The following MYO10 variants were observed in gnomAD, a reference collection of about 807,000 sequenced individuals.
The protein encoded by MYO10 is unconventional myosin-X.
In MYO10, 133 loss-of-function variants were observed where a neutral mutation model predicts 257.3. That is an observed-to-expected ratio of 0.52 (90% CI 0.45 to 0.60). The LOEUF is 0.60. MYO10 is among the 20% of genes least tolerant of loss of function. The pLI is 0.00. For synonymous variants in MYO10, 1,104 were observed against 1,028.6 expected (o/e 1.07, Z -1.40); for missense variants, 2,399 against 2,635.7 (o/e 0.91, Z 1.97).
At chr5:16,708,654 T>C (rs1738455643) in intron 21 of MYO10, among the ~76,000 whole-genome samples, 1 of 152,176 alleles carries the variant, frequency 6.6e-6, no homozygotes, top group Non-Finnish European at 1.5e-5. Flanking sequence ...CTTGACCTCC[T>C]GGGTTCGAGC....
chr5:16,758,513 C>T lies in MYO10; in HGVS notation c.1740-287G>A, dbSNP rs981136620. Among the ~76,000 whole-genome samples the T allele has an allele frequency of 1.3e-5, 2 of 152,166 alleles. 1 individual carries two copies. Among genetic ancestry groups the T allele is most frequent in the South Asian group, 4.1e-4 (2 of 4,830 alleles). On this transcript the variant is annotated intron_variant, in intron 17 of 40. Coordinates refer to ENST00000513610, the MANE Select transcript of MYO10 (RefSeq NM_012334.3). ...TAGGAGCTCTGTGCTTTCTGGAATG[C>T]CATCTAAGCCTCTGTAGCCTCGGTC...
chr5:16,909,246 C>T (rs542315911), intron 1 of MYO10, among the ~76,000 whole-genome samples: 2 of 152,210 alleles, frequency 1.3e-5, no homozygotes, highest in African/African-American at 2.4e-5. Context: ...CGGTGGCTCA[C>T]GCCCGTAATC....
chr5:16,909,900 C>T (rs1745615926), intron 1 of MYO10, among the ~76,000 whole-genome samples: 1 of 152,124 alleles, frequency 6.6e-6, no homozygotes, highest in Non-Finnish European at 1.5e-5. Flanking sequence ...TCTCCCCTCT[C>T]TATTGCTTCC....
At chr5:16,708,899 T>C (rs1738468162) in intron 21 of MYO10, among the ~76,000 whole-genome samples, 1 of 152,202 alleles carries the variant, frequency 6.6e-6, no homozygotes, top group African/African-American at 2.4e-5. Context: ...TCAGAGCAGA[T>C]TGTATTGCAC....
At chr5:16,905,600 G>A (rs566171501) in intron 1 of MYO10, among the ~76,000 whole-genome samples, 7 of 152,258 alleles carry the variant, frequency 4.6e-5, no homozygotes, top group African/African-American at 1.4e-4. Context: ...GATGAGTGCT[G>A]CAAAACAAGA....
At chr5:16,890,508 AT>A (rs765375035) in intron 1 of MYO10, among the ~76,000 whole-genome samples, 17 of 151,316 alleles carry the variant, frequency 1.1e-4, no homozygotes, top group South Asian at 4.2e-4. Context: ...TAGTGAATGG[AT>A]TTTTTTTTAA....
At chr5:16,713,514 A>T in intron 19 of MYO10, 3 of 983,846 alleles carry the variant, frequency 3.0e-6, no homozygotes, top group Non-Finnish European at 3.6e-6. Flanking sequence ...TCTCGGGCTA[A>T]TTAGTGTGGT....
At chr5:16,802,320 T>C (rs1290271616) in intron 3 of MYO10, among the ~76,000 whole-genome samples, 1 of 152,140 alleles carries the variant, frequency 6.6e-6, no homozygotes. Context: ...ATACATTTTG[T>C]TCATGCATTT....
intron 2 of MYO10, among the ~76,000 whole-genome samples, chr5:16,865,250 G>A (rs1744211880): frequency 6.6e-6 from 1 of 152,086 alleles, no homozygotes; most frequent in Non-Finnish European, 1.5e-5. Flanking sequence ...CTTTTAGGGT[G>A]GCTGTGCAAC....
At chr5:16,835,389 C>T (rs1580054979) in intron 2 of MYO10, among the ~76,000 whole-genome samples, 1 of 151,334 alleles carries the variant, frequency 6.6e-6, no homozygotes, top group Non-Finnish European at 1.5e-5. Context: ...CAAAATTAGC[C>T]GGGCGTTGTG....
intron 1 of MYO10, among the ~76,000 whole-genome samples, chr5:16,909,940 C>G (rs1561054199): frequency 6.6e-6 from 1 of 152,092 alleles, no homozygotes; most frequent in Non-Finnish European, 1.5e-5. Context: ...CATACGGAGA[C>G]TCCTCTTTGG....
At chr5:16,697,294 G>A (rs571197520) in intron 26 of MYO10, among the ~76,000 whole-genome samples, 1 of 151,930 alleles carries the variant, frequency 6.6e-6, no homozygotes, top group Non-Finnish European at 1.5e-5. Context: ...AAAGCCACAA[G>A]TGAAGAAAAC....
At position 16,783,325 on chromosome 5, in the gene MYO10, C is replaced by CGATA; in HGVS notation, c.602+9_602+10insTATC. 1 of 1,408,786 alleles carries CGATA rather than the reference C, an allele frequency of 7.1e-7. No individual in the cohort carries two copies. The highest frequency in any genetic ancestry group is 9.7e-7 in the Non-Finnish European group (1 of 1,035,514). 87.3% of individuals were successfully genotyped at this position (1,408,786 alleles called of 1,614,324 possible). ...TCCTATTAGTTGGAAACAAGAAAATCAATAAATACCTGCTTTCAAGAATAG... is the reference window on the plus strand; with the variant it reads ...TCCTATTAGTTGGAAACAAGAAAATCGATAAATAAATACCTGCTTTCAAGAATAG... On this transcript the variant is annotated intron_variant, in intron 5 of 40. Coordinates refer to ENST00000513610, the MANE Select transcript of MYO10 (RefSeq NM_012334.3).
chr5:16,883,810 G>A (rs1429772989), intron 1 of MYO10, among the ~76,000 whole-genome samples: 2 of 152,080 alleles, frequency 1.3e-5, no homozygotes, highest in Non-Finnish European at 2.9e-5. Context: ...AACTCTGATT[G>A]AAAAAATAAG....
At chr5:16,684,005 C>G in intron 29 of MYO10, 70 bp from the exon 30 acceptor site, 2 of 1,367,884 alleles carry the variant, frequency 1.5e-6, no homozygotes, top group Admixed American at 3.7e-5. Context: ...AGTAATACCT[C>G]TAGCCCACAA....
At chr5:16,681,574 A>G (rs1737003870) in intron 31 of MYO10, 71 bp from the exon 32 acceptor site, 1 of 1,419,206 alleles carries the variant, frequency 7.0e-7, no homozygotes, top group Non-Finnish European at 9.6e-7. Flanking sequence ...AATCATCTGC[A>G]TAATGCTAAC....
chr5:16,902,423 G>T, intron 1 of MYO10: 1 of 1,206,982 alleles, frequency 8.3e-7, no homozygotes, highest in Non-Finnish European at 1.2e-6. Context: ...AACTCAGACA[G>T]TAATGTAACT....
intron 2 of MYO10, among the ~76,000 whole-genome samples, chr5:16,845,768 A>C (rs927278767): frequency 1.3e-5 from 2 of 152,142 alleles, no homozygotes; most frequent in Admixed American, 6.5e-5. Flanking sequence ...TATTGAGACC[A>C]TCCTGGCTAA....
At chr5:16,734,805 CA>C (rs10686505) in intron 19 of MYO10, among the ~76,000 whole-genome samples, 496 of 131,044 alleles carry the variant, frequency 3.8e-3, no homozygotes, top group Middle Eastern at 7.8e-3. Context: ...AACTCTGTCT[CA>C]AAAAAAAAAA....
Sources: gnomAD v4.1 joint callset for allele counts (sites outside exome capture counted in the v4.1 genomes callset) on GRCh38, gnomAD v4.1.1 for gene constraint, MANE v1.5 for transcripts, NCBI Gene and HGNC (gene_info 2026-07-23, HGNC 2026-07-21) for gene names.